The following LRRIQ3 variants were observed in gnomAD, a reference collection of about 807,000 sequenced individuals.
LRRIQ3 encodes the protein leucine-rich repeat and IQ domain-containing protein 3.
In LRRIQ3, 75 loss-of-function variants were observed where a neutral mutation model predicts 59.3. The observed-to-expected ratio is 1.26, with a 90% CI of 1.05 to 1.53. The LOEUF is 1.53. LRRIQ3 is among the 40% of genes most tolerant of loss of function. LRRIQ3 has a pLI of 0.00. For missense variants in LRRIQ3, 831 were observed against 710.0 expected (o/e 1.17, Z -1.94); for synonymous variants, 250 against 231.3 (o/e 1.08, Z -0.73).
At chr1:74,132,966 C>T (rs566616978) in intron 4 of LRRIQ3, among the ~76,000 whole-genome samples, 1 of 152,112 alleles carries the variant, frequency 6.6e-6, no homozygotes, top group Non-Finnish European at 1.5e-5. Flanking sequence ...ATCTACTCAT[C>T]TGACAATGGG....
chr1:74,181,132 A>C (rs1043775578), intron 3 of LRRIQ3: 4 of 232,248 alleles, frequency 1.7e-5, no homozygotes, highest in African/African-American at 9.1e-5. Context: ...AAATGTATAA[A>C]GCGCCTACCA....
chr1:74,158,484 C>T (rs1648474797), intron 3 of LRRIQ3, among the ~76,000 whole-genome samples: 1 of 152,066 alleles, frequency 6.6e-6, no homozygotes, highest in Non-Finnish European at 1.5e-5. Context: ...CTTGAACTGC[C>T]TTTTTCAATG....
chr1:74,031,262 G>T (rs1653701641), intron 7 of LRRIQ3, among the ~76,000 whole-genome samples: 1 of 152,104 alleles, frequency 6.6e-6, no homozygotes, highest in Admixed American at 6.6e-5. Flanking sequence ...CCATTACTGG[G>T]TATATACCCA....
chr1:74,101,072 A>G (rs1311728954), intron 5 of LRRIQ3, among the ~76,000 whole-genome samples: 4 of 152,230 alleles, frequency 2.6e-5, no homozygotes, highest in Non-Finnish European at 5.9e-5. Context: ...ATCTAATTGA[A>G]CTAAAGAGCT....
intron 4 of LRRIQ3, among the ~76,000 whole-genome samples, chr1:74,130,677 T>G (rs1422050332): frequency 2.0e-5 from 3 of 152,150 alleles, no homozygotes; most frequent in Admixed American, 6.6e-5. Flanking sequence ...AGGTTTCTAT[T>G]CTTCTACGGT....
intron 5 of LRRIQ3, among the ~76,000 whole-genome samples, chr1:74,100,030 C>T (rs1227393048): frequency 6.6e-6 from 1 of 152,090 alleles, no homozygotes; most frequent in Non-Finnish European, 1.5e-5. Context: ...CACTCCTATT[C>T]AACATAGTGT....
intron 4 of LRRIQ3, among the ~76,000 whole-genome samples, chr1:74,117,494 G>A (rs953581264): frequency 6.6e-6 from 1 of 152,128 alleles, no homozygotes; most frequent in Non-Finnish European, 1.5e-5. Flanking sequence ...AGCTTAGTGA[G>A]GTGGCTCATG....
At chr1:74,047,860 T>C (rs964576379) in intron 6 of LRRIQ3, among the ~76,000 whole-genome samples, 2 of 152,120 alleles carry the variant, frequency 1.3e-5, no homozygotes, top group African/African-American at 4.8e-5. Flanking sequence ...GTGGGACCCC[T>C]CAGAAACTGA....
At chr1:74,075,307 C>T (rs1646192571) in intron 5 of LRRIQ3, among the ~76,000 whole-genome samples, 1 of 152,142 alleles carries the variant, frequency 6.6e-6, no homozygotes, top group African/African-American at 2.4e-5. Context: ...GGGCTCACAC[C>T]TGTAACCCTA....
At chr1:74,035,302 GATATA>G (rs1653836863) in intron 7 of LRRIQ3, among the ~76,000 whole-genome samples, 2 of 151,988 alleles carry the variant, frequency 1.3e-5, no homozygotes, top group African/African-American at 4.8e-5. Flanking sequence ...CATAGACATA[GATATA>G]ATATATAGAT....
At chr1:74,050,594 A>T (rs1654341675) in intron 6 of LRRIQ3, 1 of 985,052 alleles carries the variant, frequency 1.0e-6, no homozygotes, top group African/African-American at 1.7e-5. Context: ...AAATGGTCCA[A>T]ACCTATTTAA....
rs1438810261 is a variant in LRRIQ3, at chr1:74,129,641, GAGA to G, written c.708-20091_708-20089del. On this transcript the variant is annotated intron_variant, in intron 4 of 7. Transcript: ENST00000354431. ...CTTTTCTCTCCCTCCATTTTTCCTC[GAGA>G]AGAAGGAGTCCCTAGCTATAGCCAC... Among the ~76,000 whole-genome samples the G allele has an allele frequency of 1.5e-4, 23 of 151,942 alleles. No individual in the cohort carries two copies. The East Asian group carries it at 4.3e-3, about 28-fold the overall frequency.
chr1:74,117,391 G>C (rs777365220), intron 4 of LRRIQ3, among the ~76,000 whole-genome samples: 4 of 152,120 alleles, frequency 2.6e-5, no homozygotes, highest in African/African-American at 2.4e-5. Context: ...ATGAAGAAAA[G>C]ATAAGGCCTT....
chr1:74,125,904 T>G (rs556541521), intron 4 of LRRIQ3, among the ~76,000 whole-genome samples: 1 of 151,994 alleles, frequency 6.6e-6, no homozygotes, highest in East Asian at 1.9e-4. Flanking sequence ...CCTCTATTTT[T>G]GGGAACAGTT....
At chr1:74,164,921 T>A (rs1454510104) in intron 3 of LRRIQ3, among the ~76,000 whole-genome samples, 3 of 151,524 alleles carry the variant, frequency 2.0e-5, no homozygotes, top group Non-Finnish European at 4.4e-5. Context: ...TTGAAAAGAC[T>A]TTTTTACTTC....
intron 4 of LRRIQ3, among the ~76,000 whole-genome samples, chr1:74,111,089 C>T (rs959153316): frequency 5.3e-5 from 8 of 151,720 alleles, no homozygotes; most frequent in Admixed American, 1.3e-4. Context: ...TACTTAGTCA[C>T]GAGAGAGTGT....
chr1:74,118,734 A>C (rs971904390), intron 4 of LRRIQ3, among the ~76,000 whole-genome samples: 3 of 152,144 alleles, frequency 2.0e-5, no homozygotes, highest in Non-Finnish European at 2.9e-5. Context: ...ATTTTAAGGA[A>C]TTGGCTCACA....
intron 4 of LRRIQ3, among the ~76,000 whole-genome samples, chr1:74,117,356 A>C (rs1309992510): frequency 6.6e-6 from 1 of 152,200 alleles, no homozygotes; most frequent in East Asian, 1.9e-4. Flanking sequence ...TCATGTAAAA[A>C]GTATGAAGAA....
chr1:74,106,925 C>T (rs145190822), intron 5 of LRRIQ3, among the ~76,000 whole-genome samples: 24 of 152,034 alleles, frequency 1.6e-4, no homozygotes, highest in Admixed American at 5.3e-4. Flanking sequence ...AGTAATGTCC[C>T]TAGTAAGTGT....
Sources: allele counts gnomAD v4.1 joint callset (sites outside exome capture counted in the v4.1 genomes callset), GRCh38; gene constraint gnomAD v4.1.1; transcripts MANE v1.5; gene names NCBI Gene and HGNC (gene_info 2026-07-23, HGNC 2026-07-21).